ITPR2: variants seen among roughly 807,000 people sequenced by gnomAD.
The protein encoded by ITPR2 is inositol 1,4,5-trisphosphate receptor type 2.
In ITPR2, 207 loss-of-function variants were observed where a neutral mutation model predicts 317.1. The ratio of observed to expected loss-of-function variants is 0.65; its 90% CI spans 0.58 to 0.73. ITPR2 has a LOEUF of 0.73. ITPR2 is among the 30% of genes least tolerant of loss of function. The pLI, the probability that ITPR2 is intolerant of heterozygous loss-of-function variation, is 0.00. For missense variants in ITPR2, 2,613 were observed against 3,284.0 expected (o/e 0.80, Z 4.99); for synonymous variants, 1,156 against 1,149.1 (o/e 1.01, Z -0.12).
At chr12:26,598,898 C>G (rs12825444) in intron 30 of ITPR2, among the ~76,000 whole-genome samples, 41,026 of 151,938 alleles carry the variant, frequency 0.27, 6,233 homozygotes, top group Non-Finnish European at 0.35. Flanking sequence ...AGGATTTTAC[C>G]CATTTTTTAA....
chr12:26,547,783 C>A (rs1944425415), intron 37 of ITPR2, among the ~76,000 whole-genome samples: 1 of 152,166 alleles, frequency 6.6e-6, no homozygotes, highest in African/African-American at 2.4e-5. Context: ...CCCATATTTA[C>A]TATTTTCTTA....
intron 37 of ITPR2, among the ~76,000 whole-genome samples, chr12:26,549,292 A>G (rs1419599512): frequency 6.6e-6 from 1 of 152,208 alleles, no homozygotes; most frequent in African/African-American, 2.4e-5. Context: ...AGTAGAAGGC[A>G]TTTTGATTAC....
At chr12:26,636,717 A>G (rs74800351) in intron 21 of ITPR2, among the ~76,000 whole-genome samples, 1 of 152,210 alleles carries the variant, frequency 6.6e-6, no homozygotes, top group African/African-American at 2.4e-5. Flanking sequence ...AGGGAAAATA[A>G]TGAAACCTGT....
chr12:26,349,630 G>A (rs1379601537), intron 55 of ITPR2, among the ~76,000 whole-genome samples: 1 of 152,230 alleles, frequency 6.6e-6, no homozygotes, highest in Non-Finnish European at 1.5e-5. Flanking sequence ...CAAACAGAAA[G>A]CATCCTTGGT....
At chr12:26,351,329 G>A (rs1455512699) in intron 55 of ITPR2, among the ~76,000 whole-genome samples, 1 of 152,228 alleles carries the variant, frequency 6.6e-6, no homozygotes, top group Non-Finnish European at 1.5e-5. Context: ...AAGGTCTCTA[G>A]GAATCTGGAG....
At chr12:26,685,711 C>T (rs1948112104) in intron 11 of ITPR2, among the ~76,000 whole-genome samples, 1 of 152,194 alleles carries the variant, frequency 6.6e-6, no homozygotes, top group African/African-American at 2.4e-5. Flanking sequence ...ACAACCCCTC[C>T]CTCATTTATG....
intron 26 of ITPR2, among the ~76,000 whole-genome samples, chr12:26,615,808 G>A (rs1296636815): frequency 6.6e-6 from 1 of 152,128 alleles, no homozygotes; most frequent in African/African-American, 2.4e-5. Flanking sequence ...ACATACCATT[G>A]TAGTGGAAAA....
intron 45 of ITPR2, among the ~76,000 whole-genome samples, chr12:26,453,535 T>G (rs1001658742): frequency 6.6e-6 from 1 of 152,224 alleles, no homozygotes; most frequent in African/African-American, 2.4e-5. Context: ...CCTGAAATGA[T>G]GTACACTAGG....
chr12:26,376,210 A>G (rs1049816665), intron 55 of ITPR2, among the ~76,000 whole-genome samples: 5 of 152,216 alleles, frequency 3.3e-5, no homozygotes, highest in African/African-American at 1.2e-4. Flanking sequence ...CTTAATTTCT[A>G]ACTTACAATT....
In ITPR2 at chr12:26,600,118, T is replaced by TA. The variant is rs753547514; in HGVS notation, c.3679-10dup. 6.2e-7 allele frequency: 1 copy of TA among 1,605,394 alleles called. No homozygotes were observed. Among genetic ancestry groups the TA allele is most frequent in the African/African-American group, 1.3e-5 (1 of 74,848 alleles). ...TTCATCTTTTCATCATTCTGTAAGT[T>TA]AAAGAATAGCACATGATAGAAACAA... On this transcript the variant is annotated splice_polypyrimidine_tract_variant and intron_variant, in intron 28 of 56. Transcript: ENST00000381340.
At chr12:26,796,006 G>C (rs1329032192) in intron 1 of ITPR2, among the ~76,000 whole-genome samples, 1 of 142,872 alleles carries the variant, frequency 7.0e-6, no homozygotes, top group Non-Finnish European at 1.5e-5. Context: ...AAAAGGGGGG[G>C]GGGGCAACAC....
intron 13 of ITPR2, among the ~76,000 whole-genome samples, chr12:26,677,024 A>T (rs1947922756): frequency 1.3e-5 from 2 of 152,114 alleles, no homozygotes; most frequent in Non-Finnish European, 2.9e-5. Flanking sequence ...TGGGAGGGGG[A>T]AAATAATAGT....
At chr12:26,744,234 T>C (rs1949282301) in intron 2 of ITPR2, among the ~76,000 whole-genome samples, 1 of 152,250 alleles carries the variant, frequency 6.6e-6, no homozygotes, top group African/African-American at 2.4e-5. Flanking sequence ...TCTCTGGTTC[T>C]GCCACTCCTA....
chr12:26,450,942 G>T (rs930484528), intron 45 of ITPR2, among the ~76,000 whole-genome samples: 1 of 152,052 alleles, frequency 6.6e-6, no homozygotes, highest in African/African-American at 2.4e-5. Context: ...ACAGTGGAAT[G>T]GATTAGTTAG....
intron 36 of ITPR2, among the ~76,000 whole-genome samples, chr12:26,554,463 C>T (rs1027102292): frequency 6.6e-6 from 1 of 152,190 alleles, no homozygotes; most frequent in Non-Finnish European, 1.5e-5. Context: ...TTGTGGGGTA[C>T]ACAGTCTCTG....
chr12:26,768,768 T>C (rs1265541133), intron 2 of ITPR2, among the ~76,000 whole-genome samples: 1 of 152,032 alleles, frequency 6.6e-6, no homozygotes, highest in Non-Finnish European at 1.5e-5. Flanking sequence ...AATTTGTAAC[T>C]GCACTTGTGT....
At chr12:26,766,415 G>A (rs915862403) in intron 2 of ITPR2, among the ~76,000 whole-genome samples, 12 of 151,164 alleles carry the variant, frequency 7.9e-5, no homozygotes, top group Admixed American at 1.3e-4. Context: ...CCATTTTTAC[G>A]TATTTTTTTG....
intron 30 of ITPR2, 53 bp from the exon 31 acceptor site, chr12:26,597,187 G>C: frequency 6.3e-7 from 1 of 1,594,980 alleles, no homozygotes; most frequent in Non-Finnish European, 8.6e-7. Context: ...CATCCTTGCA[G>C]TTATTTCCAA....
intron 55 of ITPR2, among the ~76,000 whole-genome samples, chr12:26,384,269 T>C (rs12582235): frequency 0.11 from 16,935 of 152,214 alleles, 1,541 homozygotes; most frequent in East Asian, 0.4. Context: ...GTAACAGATT[T>C]TCTGAAATGG....
Sources: allele counts gnomAD v4.1 joint callset (sites outside exome capture counted in the v4.1 genomes callset), GRCh38; gene constraint gnomAD v4.1.1; transcripts MANE v1.5; gene names NCBI Gene and HGNC (gene_info 2026-07-23, HGNC 2026-07-21).